FANCG: variants seen among roughly 807,000 people sequenced by gnomAD.
FANCG encodes the protein FA complementation group G.
In FANCG, 67 loss-of-function variants were observed where a neutral mutation model predicts 73.3. The ratio of observed to expected loss-of-function variants is 0.91; its 90% CI spans 0.75 to 1.12. The LOEUF is 1.12. FANCG is among the 50% of genes most tolerant of loss of function. The probability of loss-of-function intolerance (pLI) is 0.00; values close to 1 mark genes in which losing one functional copy is unlikely to be tolerated. For synonymous variants in FANCG, 297 were observed against 311.6 expected (o/e 0.95, Z 0.49); for missense variants, 643 against 735.6 (o/e 0.87, Z 1.46).
At chr9:35,076,129 G>C in intron 8 of FANCG, 101 bp from the exon 9 acceptor site, 1 of 1,232,340 alleles carries the variant, frequency 8.1e-7, no homozygotes, top group Admixed American at 1.7e-5. Context: ...ATGTTCATGG[G>C]CCCTGAGGAG....
Position 35,078,161 on chromosome 9 carries a change from C to G in FANCG, c.490G>C (p.Glu164Gln), listed in dbSNP as rs1829120129. Residue 164 changes from glutamate (E) to glutamine (Q), a missense_variant, in exon 4 of 14, where the codon GAG (glutamate) becomes CAG (glutamine). Glu to Gln is a conservative substitution (Grantham distance 29). Transcript: ENST00000378643. The stretch of plus-strand genomic sequence containing the variant: ...ATTACCTGGCTGCCATTCAGGGTCT[C>G]TAGTAACAAGGCCAGGTCCCCAAGA... The part of the protein sequence containing the change: ...DRLGDLALLL[E>Q]TLNGSQSGAS... 6.2e-7 allele frequency: 1 copy of G among 1,614,030 alleles called. No homozygotes were observed. Among genetic ancestry groups the G allele is most frequent in the African/African-American group, 1.3e-5 (1 of 74,924 alleles).
chr9:35,075,882 A>C, intron 9 of FANCG, 80 bp downstream of exon 9: 1 of 1,575,038 alleles, frequency 6.3e-7, no homozygotes, highest in South Asian at 1.1e-5. Context: ...GGAAAAAACA[A>C]AAAATTGCAG....
Position 35,079,239 on chromosome 9 carries a change from C to A in FANCG, c.87G>T (p.Val29=), listed in dbSNP as rs1183411917. The A allele has an allele frequency of 6.2e-7, 1 of 1,607,028 alleles. No individual in the cohort carries two copies. The highest frequency in any genetic ancestry group is 8.5e-7 in the Non-Finnish European group (1 of 1,177,054). Residue 29 remains valine (V), a splice_region_variant and synonymous_variant, in exon 2 of 14, where the codon GTG becomes GTT. Coordinates refer to ENST00000378643, the MANE Select transcript of FANCG (RefSeq NM_004629.2). ...TCAGAGTCAGACCGGAGTTCTGAGCCACCTGCCACATGAGGGAGGGGTTGT... is the reference window on the plus strand; with the variant it reads ...TCAGAGTCAGACCGGAGTTCTGAGCAACCTGCCACATGAGGGAGGGGTTGT... The part of the protein sequence containing the change: ...KNDRLVRQAK[V]AQNSGLTLRR...
At chr9:35,078,506 A>G in intron 3 of FANCG, 99 bp downstream of exon 3, 1 of 1,578,276 alleles carries the variant, frequency 6.3e-7, no homozygotes. Flanking sequence ...ACCTCTCTCC[A>G]TGGAGGTGAC....
In FANCG at chr9:35,075,036, C is replaced by T. The variant is rs1170591323; in HGVS notation, c.1527G>A (p.Leu509=). 6.2e-7 allele frequency: 1 copy of T among 1,614,232 alleles called. No individual in the cohort carries two copies. Among genetic ancestry groups the T allele is most frequent in the Admixed American group, 1.7e-5 (1 of 60,028 alleles). ...CEQGCKSDAA[L]QQLRAAALIS... Reference sequence around the variant, plus strand: ...TTAGGGCGGCTGCCCGAAGCTGCTGCAGTGCCGCATCTGACTTACATCCCT... The same window carrying T: ...TTAGGGCGGCTGCCCGAAGCTGCTGTAGTGCCGCATCTGACTTACATCCCT... Residue 509 remains leucine (L), a synonymous_variant, in exon 12 of 14, where the codon CTG becomes CTA. Coordinates refer to ENST00000378643, the MANE Select transcript of FANCG (RefSeq NM_004629.2).
In FANCG at chr9:35,079,487, A is replaced by G. The variant is rs1175300824; in HGVS notation, c.38T>C (p.Leu13Pro). 1.9e-6 allele frequency: 3 copies of G among 1,614,104 alleles called. No homozygotes were observed. In the South Asian group the frequency reaches 3.3e-5, roughly 18 times the overall value. ...GTCATTCTTTTCCCTCCACAGGTCC[A>G]GGCAGCTGGAGCCCACAGAGGTGGT... Reference protein sequence around the residue: ...RQTTSVGSSCLDLWREKNDRL... With the variant: ...RQTTSVGSSCPDLWREKNDRL... The change falls in exon 1 of 14, where the codon CTG becomes CCG. Residue 13 changes from leucine to proline, a missense_variant. Coordinates refer to ENST00000378643, the MANE Select transcript of FANCG (RefSeq NM_004629.2).
chr9:35,076,761 G>C lies in FANCG; in HGVS notation c.887C>G (p.Thr296Arg). The C allele has an allele frequency of 6.2e-7, 1 of 1,614,136 alleles. No individual in the cohort carries two copies. The highest frequency in any genetic ancestry group is 1.3e-5 in the African/African-American group (1 of 75,008). ...CTCCAGACTCTCCAGCTCTGCTGTT[G>C]TGTCCCCCAGTTGCTGATAGAGCCT... ...ASRLYQQLGDTTAELESLELL... is the reference protein window; with the variant it reads ...ASRLYQQLGDRTAELESLELL... Residue 296 changes from threonine to arginine, a missense_variant, in exon 7 of 14, where the codon ACA becomes AGA. Coordinates refer to ENST00000378643, the MANE Select transcript of FANCG (RefSeq NM_004629.2).
In FANCG at chr9:35,079,428, G is replaced by A. The variant is rs2131060229; in HGVS notation, c.84+13C>T. The A allele has an allele frequency of 1.9e-6, 3 of 1,614,002 alleles. No individual in the cohort carries two copies. Among genetic ancestry groups the A allele is most frequent in the Non-Finnish European group, 2.5e-6 (3 of 1,179,950 alleles). On this transcript the variant is annotated intron_variant, in intron 1 of 13. Transcript: ENST00000378643. ...TTGAGGCTGCAAACCGAGGGTGCCA[G>A]CAACCGTGTTACCTTGGCCTGTCGA...
intron 9 of FANCG, 38 bp downstream of exon 9, chr9:35,075,924 G>A (rs17879411): frequency 2.0e-5 from 32 of 1,609,230 alleles, no homozygotes; most frequent in Admixed American, 1.8e-4. Flanking sequence ...ACACCAACCC[G>A]TCTACCCCAT....
rs1396898872 is a variant in FANCG, at chr9:35,078,264, G to GGAAGCAC, written c.380_386dup (p.Leu131PhefsTer26). 1 of 1,614,044 alleles carries GGAAGCAC rather than the reference G, an allele frequency of 6.2e-7. No individual in the cohort carries two copies. Among genetic ancestry groups the GGAAGCAC allele is most frequent in the Non-Finnish European group, 8.5e-7 (1 of 1,180,042 alleles). Reference sequence around the variant, plus strand: ...CAGACAGCAGCTCCGGCAGAAGGCAGGAAGCACGAAGGACAGAGTCCCACA... The same window carrying GGAAGCAC: ...CAGACAGCAGCTCCGGCAGAAGGCAGGAAGCACGAAGCACGAAGGACAGAGTCCCACA... On this transcript the variant is annotated frameshift_variant, in exon 4 of 14. Transcript: ENST00000378643. LOFTEE classifies it high-confidence loss of function.
Position 35,074,994 on chromosome 9 carries a change from T to G in FANCG, c.1569A>C (p.Glu523Asp). 1 of 1,614,204 alleles carries G rather than the reference T, an allele frequency of 6.2e-7. No individual in the cohort carries two copies. The highest frequency in any genetic ancestry group is 1.1e-5 in the South Asian group (1 of 91,080). Reference sequence around the variant, plus strand: ...TGGTATCCTGGCCGCTGGCTACCCATTCCAGTCCACGACTAATTAGGGCGG... The same window carrying G: ...TGGTATCCTGGCCGCTGGCTACCCAGTCCAGTCCACGACTAATTAGGGCGG... ...RAAALISRGL[E>D]WVASGQDTKA... Residue 523 changes from glutamate to aspartate, a missense_variant, in exon 12 of 14, where the codon GAA (glutamate) becomes GAC (aspartate). Transcript: ENST00000378643.
At position 35,079,532 on chromosome 9, in the gene FANCG, G is replaced by A. The variant is rs1274386572; in HGVS notation, c.-8C>T. 3 of 1,613,938 alleles carry A rather than the reference G, an allele frequency of 1.9e-6. No homozygotes were observed. Among genetic ancestry groups the A allele is most frequent in the Admixed American group, 1.7e-5 (1 of 60,032 alleles). ...GGTGGTCTGGCGGGACATGGTGGCC[G>A]AGGCTGGGCCCGGAGACCAGAAGCG... On this transcript the variant is annotated 5_prime_UTR_variant, in exon 1 of 14. Coordinates refer to ENST00000378643, the MANE Select transcript of FANCG (RefSeq NM_004629.2).
intron 3 of FANCG, 61 bp downstream of exon 3, chr9:35,078,544 G>A (rs2131058880): frequency 6.2e-7 from 1 of 1,611,548 alleles, no homozygotes; most frequent in South Asian, 1.1e-5. Context: ...CCATCTCCCT[G>A]CAATAACTTA....
chr9:35,076,701 A>G, intron 7 of FANCG, 23 bp downstream of exon 7: 2 of 1,614,152 alleles, frequency 1.2e-6, no homozygotes, highest in Admixed American at 3.3e-5. Context: ...TCCACCCCAC[A>G]TCTTCACCTG....
At chr9:35,077,854 C>A (rs891932312) in intron 4 of FANCG, 1 of 488,510 alleles carries the variant, frequency 2.0e-6, no homozygotes, top group East Asian at 3.9e-5. Context: ...CTCACTGTTG[C>A]CTCCACCTCT....
chr9:35,078,665 T>G lies in FANCG; in HGVS notation c.247A>C (p.Ser83Arg). The G allele has an allele frequency of 1.2e-6, 2 of 1,614,144 alleles. No individual in the cohort carries two copies. The highest frequency in any genetic ancestry group is 1.7e-6 in the Non-Finnish European group (2 of 1,180,016). Residue 83 changes from serine to arginine, a missense_variant, in exon 3 of 14, where the codon AGC (serine) becomes CGC (arginine). By Grantham distance (110) the Ser-to-Arg change is moderately radical (BLOSUM62 -1). Coordinates refer to ENST00000378643, the MANE Select transcript of FANCG (RefSeq NM_004629.2). ...VTCNFIILRA[S>R]LAQGFTEDQA... ...TCCTCTGTGAAACCCTGGGCCAAGCTTGCCCTCAGGATAATGAAGTTGCAG... is the reference window on the plus strand; with the variant it reads ...TCCTCTGTGAAACCCTGGGCCAAGCGTGCCCTCAGGATAATGAAGTTGCAG...
chr9:35,078,096 G>A, intron 4 of FANCG, 45 bp downstream of exon 4: 1 of 1,556,532 alleles, frequency 6.4e-7, no homozygotes, highest in Non-Finnish European at 8.9e-7. Flanking sequence ...AAAGGAGGAG[G>A]AAGGAAGGAG....
chr9:35,079,574 A>G lies in FANCG; in HGVS notation c.-50T>C, dbSNP rs376115549. On this transcript the variant is annotated 5_prime_UTR_variant, in exon 1 of 14. Coordinates refer to ENST00000378643, the MANE Select transcript of FANCG (RefSeq NM_004629.2). ...CCAGAAGCGGACTTAGGAAGGGTGAAGCTGGCCTGCCCAAGCTCCCAACCC... is the reference window on the plus strand; with the variant it reads ...CCAGAAGCGGACTTAGGAAGGGTGAGGCTGGCCTGCCCAAGCTCCCAACCC... The G allele has an allele frequency of 4.4e-6, 7 of 1,591,976 alleles. No homozygotes were observed. In the African/African-American group the frequency reaches 9.4e-5, roughly 21 times the overall value.
At chr9:35,075,416 C>T in intron 10 of FANCG, 49 bp downstream of exon 10, 1 of 1,613,786 alleles carries the variant, frequency 6.2e-7, no homozygotes, top group South Asian at 1.1e-5. Context: ...AACTCAGGTC[C>T]CAATCAGAAA....
Sources: allele counts gnomAD v4.1 joint callset, GRCh38; gene constraint gnomAD v4.1.1; transcripts MANE v1.5; gene names NCBI Gene and HGNC (gene_info 2026-07-23, HGNC 2026-07-21).